LRP1B: variants seen among roughly 807,000 people sequenced by gnomAD.
LRP1B encodes LDL receptor related protein 1B.
Under a neutral mutation model 556.6 loss-of-function variants are expected in LRP1B, and 217 were observed. The ratio of observed to expected loss-of-function variants is 0.39; its 90% CI spans 0.35 to 0.44. LRP1B has a LOEUF of 0.44. Among genes scored for constraint, LRP1B ranks in the 20% least tolerant of loss-of-function variants. The pLI is 1.00. For synonymous variants in LRP1B, 2,047 were observed against 1,865.8 expected, an observed-to-expected ratio of 1.10 and a Z score of -2.50; for missense variants, 5,053 against 5,620.8, an observed-to-expected ratio of 0.90 and a Z score of 3.23.
At chr2:141,123,614 A>T (rs1011927360) in intron 7 of LRP1B, among the ~76,000 whole-genome samples, 1 of 152,082 alleles carries the variant, frequency 6.6e-6, no homozygotes, top group Admixed American at 6.6e-5. Flanking sequence ...TTTGTTTGGG[A>T]GCTATTGAAT....
At chr2:140,272,034 T>C (rs1007508427) in intron 85 of LRP1B, among the ~76,000 whole-genome samples, 3 of 151,932 alleles carry the variant, frequency 2.0e-5, no homozygotes, top group African/African-American at 7.2e-5. Flanking sequence ...AAAAACCTGA[T>C]TGCTTTTAAA....
chr2:141,615,524 T>C (rs989466576), intron 2 of LRP1B, among the ~76,000 whole-genome samples: 9 of 151,912 alleles, frequency 5.9e-5, no homozygotes, highest in Non-Finnish European at 2.9e-5. Flanking sequence ...CCAATTTTTA[T>C]GCCTAAATTT....
intron 1 of LRP1B, among the ~76,000 whole-genome samples, chr2:141,974,404 G>A (rs904581095): frequency 5.9e-5 from 9 of 151,966 alleles, no homozygotes; most frequent in Admixed American, 4.6e-4. Flanking sequence ...GGTTCAAGAA[G>A]ATTTAAGGTT....
intron 46 of LRP1B, 54 bp downstream of exon 46, chr2:140,536,527 G>A (rs1574053914): frequency 6.4e-7 from 1 of 1,559,514 alleles, no homozygotes; most frequent in East Asian, 2.3e-5. Context: ...ACCAAAAACT[G>A]TAAAGAATCA....
intron 3 of LRP1B, among the ~76,000 whole-genome samples, chr2:141,268,084 T>A (rs1456137091): frequency 6.6e-6 from 1 of 152,132 alleles, no homozygotes; most frequent in African/African-American, 2.4e-5. Flanking sequence ...TGAGAAGGTA[T>A]CTCTATGTTC....
chr2:141,871,458 T>C (rs74486302), intron 1 of LRP1B, among the ~76,000 whole-genome samples: 3,240 of 152,062 alleles, frequency 0.021, 93 homozygotes, highest in South Asian at 0.062. Flanking sequence ...TTCCCAATAG[T>C]AATTATTGTG....
intron 3 of LRP1B, among the ~76,000 whole-genome samples, chr2:141,356,232 A>G (rs1264855174): frequency 2.0e-5 from 3 of 152,162 alleles, no homozygotes; most frequent in Non-Finnish European, 4.4e-5. Context: ...ACCAGAAACC[A>G]GTTATTTACT....
intron 2 of LRP1B, among the ~76,000 whole-genome samples, chr2:141,792,725 A>G (rs745427230): frequency 6.6e-6 from 1 of 152,066 alleles, no homozygotes; most frequent in African/African-American, 2.4e-5. Flanking sequence ...CACACAAATC[A>G]GAACCACAGG....
intron 1 of LRP1B, among the ~76,000 whole-genome samples, chr2:141,868,725 A>C (rs1384380607): frequency 3.3e-5 from 5 of 152,052 alleles, no homozygotes; most frequent in Non-Finnish European, 7.4e-5. Context: ...TTTCCCCCTT[A>C]TTTCTTAAAG....
chr2:140,703,531 A>G (rs1428527863), intron 37 of LRP1B, among the ~76,000 whole-genome samples: 1 of 152,180 alleles, frequency 6.6e-6, no homozygotes, highest in Non-Finnish European at 1.5e-5. Context: ...AGCAGTGAAT[A>G]AAGTTTTAAA....
chr2:141,489,122 T>C (rs1340433266), intron 2 of LRP1B, among the ~76,000 whole-genome samples: 1 of 68,712 alleles, frequency 1.5e-5, no homozygotes. Flanking sequence ...CTTTTTTTTT[T>C]TTTTTTTTTT....
At chr2:141,954,162 A>G (rs777376503) in intron 1 of LRP1B, among the ~76,000 whole-genome samples, 8 of 152,066 alleles carry the variant, frequency 5.3e-5, no homozygotes, top group Non-Finnish European at 1.2e-4. Flanking sequence ...TCTTCACTTT[A>G]CATTATCTAA....
At chr2:141,377,826 A>G (rs1261153796) in intron 3 of LRP1B, among the ~76,000 whole-genome samples, 1 of 152,160 alleles carries the variant, frequency 6.6e-6, no homozygotes, top group Non-Finnish European at 1.5e-5. Flanking sequence ...CTTGTAAGAG[A>G]GGCATTTTAA....
chr2:140,444,161 TA>T (rs1686550768), intron 65 of LRP1B, among the ~76,000 whole-genome samples, 168 bp downstream of exon 65: 1 of 152,232 alleles, frequency 6.6e-6, no homozygotes, highest in African/African-American at 2.4e-5. Context: ...ATTTTCTCTA[TA>T]TTTTTATTTA....
At chr2:141,902,759 A>G (rs1472776938) in intron 1 of LRP1B, among the ~76,000 whole-genome samples, 2 of 152,022 alleles carry the variant, frequency 1.3e-5, no homozygotes, top group Admixed American at 1.3e-4. Context: ...CATAGAGATT[A>G]CAATATTTAT....
intron 7 of LRP1B, among the ~76,000 whole-genome samples, chr2:141,142,615 G>A (rs1701682385): frequency 6.6e-6 from 1 of 152,106 alleles, no homozygotes; most frequent in African/African-American, 2.4e-5. Flanking sequence ...ATTCCAATGA[G>A]TTGAGGCTTC....
In LRP1B at chr2:142,062,961, G is replaced by A. The variant is rs555044621; in HGVS notation, c.82+67687C>T. Among the ~76,000 whole-genome samples the A allele has an allele frequency of 4.7e-5, 7 of 149,750 alleles. No individual in the cohort carries two copies. In the East Asian group the frequency reaches 1.4e-3, roughly 30 times the overall value. On this transcript the variant is annotated intron_variant, in intron 1 of 90. Coordinates refer to ENST00000389484, the MANE Select transcript of LRP1B (RefSeq NM_018557.3). ...AAAGTATTAGCTCTATCTAAAAGATGGAAGCATTACCTGAAAAAAAGCTGA... is the reference window on the plus strand; with the variant it reads ...AAAGTATTAGCTCTATCTAAAAGATAGAAGCATTACCTGAAAAAAAGCTGA...
intron 1 of LRP1B, among the ~76,000 whole-genome samples, chr2:142,028,735 G>A (rs749417487): frequency 2.6e-5 from 4 of 151,946 alleles, no homozygotes; most frequent in Non-Finnish European, 4.4e-5. Context: ...ATATAAGAAA[G>A]TGTCAACTAT....
At chr2:140,789,713 C>A (rs1690042583) in intron 32 of LRP1B, among the ~76,000 whole-genome samples, 1 of 140,444 alleles carries the variant, frequency 7.1e-6, no homozygotes, top group Non-Finnish European at 1.5e-5. Context: ...TCACTGCAAG[C>A]TCCGCCTCCC....
Sources: allele counts gnomAD v4.1 joint callset (sites outside exome capture counted in the v4.1 genomes callset), GRCh38; gene constraint gnomAD v4.1.1; transcripts MANE v1.5; gene names NCBI Gene and HGNC (gene_info 2026-07-23, HGNC 2026-07-21).